ZSCAN32: variants seen among roughly 807,000 people sequenced by gnomAD.
The protein encoded by ZSCAN32 is zinc finger and SCAN domain-containing protein 32.
In ZSCAN32, 52 loss-of-function variants were observed where a neutral mutation model predicts 47.4. That is an observed-to-expected ratio of 1.10 (90% CI 0.88 to 1.38). The LOEUF (loss-of-function observed/expected upper bound fraction) is 1.38. Among genes scored for constraint, ZSCAN32 ranks in the 40% most tolerant of loss-of-function variants. ZSCAN32 has a pLI of 0.00. For missense variants in ZSCAN32, 959 were observed against 846.0 expected, an observed-to-expected ratio of 1.13 and a Z score of -1.66; for synonymous variants, 346 against 305.7, an observed-to-expected ratio of 1.13 and a Z score of -1.38.
rs746667631 is a variant in ZSCAN32, at chr16:3,383,111, T to C, written c.1835A>G (p.Lys612Arg). 1.2e-6 allele frequency: 2 copies of C among 1,614,108 alleles called. No individual in the cohort carries two copies. The highest frequency in any genetic ancestry group is 2.2e-5 in the South Asian group (2 of 91,080). ...EKPYQCIVCGKRFNNSSQFSA... is the reference protein window; with the variant it reads ...EKPYQCIVCGRRFNNSSQFSA... The stretch of plus-strand genomic sequence containing the variant: ...GAACTGGGAACTGTTGTTGAATCTC[T>C]TTCCACAGACAATGCACTGGTAAGG... The change falls in exon 7 of 7, where the codon AAG (lysine) becomes AGG (arginine). Residue 612 changes from lysine to arginine, a missense_variant. Transcript: ENST00000396852.
chr16:3,398,832 CACA>C (rs1235123187), intron 1 of ZSCAN32, among the ~76,000 whole-genome samples: 1 of 152,182 alleles, frequency 6.6e-6, no homozygotes, highest in Non-Finnish European at 1.5e-5. Flanking sequence ...TCCACACACA[CACA>C]ACGTGGATAA....
At chr16:3,393,242 T>TATATATATATAAATAA (rs2033016197) in intron 3 of ZSCAN32, among the ~76,000 whole-genome samples, 1 of 10,984 alleles carries the variant, frequency 9.1e-5, no homozygotes, top group African/African-American at 6.0e-4. Context: ...TTATATATTT[T>TATATATATATAAATAA]ATATATATAT....
intron 1 of ZSCAN32, among the ~76,000 whole-genome samples, chr16:3,400,264 C>CTT (rs1341370723): frequency 6.6e-6 from 1 of 152,032 alleles, no homozygotes; most frequent in Non-Finnish European, 1.5e-5. Context: ...GCTTTCTAGC[C>CTT]AAAAAGAAAC....
chr16:3,382,437 T>C lies in ZSCAN32; in HGVS notation c.*415A>G, dbSNP rs1481716222. On this transcript the variant is annotated 3_prime_UTR_variant, in exon 7 of 7. Coordinates refer to ENST00000396852, the MANE Select transcript of ZSCAN32 (RefSeq NM_001284527.2). ...ACGGTGGGTGCCTAGAGGTCAATTA[T>C]TGGTTTAGAAGAGATTCAGGCCCTT... is the stretch of plus-strand genomic sequence containing the variant. 1.9e-5 allele frequency: 3 copies of C among 156,258 alleles called. No individual in the cohort carries two copies. Among genetic ancestry groups the C allele is most frequent in the African/African-American group, 7.2e-5 (3 of 41,550 alleles). The allele number at this position is 156,258 out of a possible 1,614,324, so 9.7% of individuals were successfully genotyped here. A position where few individuals can be genotyped will look rare whatever the true frequency, so the allele number is the denominator to read the frequency against.
chr16:3,395,361 C>G (rs189853319), intron 2 of ZSCAN32, among the ~76,000 whole-genome samples: 2 of 152,348 alleles, frequency 1.3e-5, no homozygotes, highest in Admixed American at 6.5e-5. Context: ...CCCATAATCC[C>G]CACGTGTCAT....
chr16:3,391,543 G>A (rs1434678956), intron 3 of ZSCAN32, among the ~76,000 whole-genome samples: 2 of 151,998 alleles, frequency 1.3e-5, no homozygotes, highest in African/African-American at 4.8e-5. Context: ...GCCGGGCGTG[G>A]TGGCAGGCGC....
Position 3,382,711 on chromosome 16 carries a change from T to C in ZSCAN32, c.*141A>G. 7.2e-7 allele frequency: 1 copy of C among 1,380,128 alleles called. No individual in the cohort carries two copies. Among genetic ancestry groups the C allele is most frequent in the South Asian group, 1.7e-5 (1 of 57,530 alleles). 85.5% of individuals were successfully genotyped at this position (1,380,128 alleles called of 1,614,324 possible). On this transcript the variant is annotated 3_prime_UTR_variant, in exon 7 of 7. Coordinates refer to ENST00000396852, the MANE Select transcript of ZSCAN32 (RefSeq NM_001284527.2). ...GAGAGGTCAGCGTCCTTATGCTGACTCCTGGTCCTAGACATGGGTCTTAAG... is the reference window on the plus strand; with the variant it reads ...GAGAGGTCAGCGTCCTTATGCTGACCCCTGGTCCTAGACATGGGTCTTAAG...
At chr16:3,399,638 GTC>G (rs1284608685) in intron 1 of ZSCAN32, among the ~76,000 whole-genome samples, 1 of 152,074 alleles carries the variant, frequency 6.6e-6, no homozygotes, top group African/African-American at 2.4e-5. Flanking sequence ...TAGAGATGGA[GTC>G]TCACTCTGTT....
rs372402522 is a variant in ZSCAN32 at position 3,382,960 on chromosome 16, C to G, written c.1986G>C (p.Arg662Ser). 5.0e-6 allele frequency: 8 copies of G among 1,614,066 alleles called. No individual in the cohort carries two copies. Among genetic ancestry groups the G allele is most frequent in the Non-Finnish European group, 6.8e-6 (8 of 1,179,988 alleles). ...RKTHTGEKPY[R>S]CSHCERGFTK... ...TGAAGCCTCTCTCACAGTGAGAACACCTGTAAGGCTTTTCACCAGTGTGGG... is the reference window on the plus strand; with the variant it reads ...TGAAGCCTCTCTCACAGTGAGAACAGCTGTAAGGCTTTTCACCAGTGTGGG... The change falls in exon 7 of 7, where the codon AGG becomes AGC. Residue 662 changes from arginine (R) to serine (S), a missense_variant. By Grantham distance (110) the Arg-to-Ser change is moderately radical. Transcript: ENST00000396852.
chr16:3,397,496 C>T lies in ZSCAN32; in HGVS notation c.62G>A (p.Gly21Asp), dbSNP rs760946411. Reference sequence around the variant, plus strand: ...GTTACCCTGGAGGGCTGATTTCTGGCCCTGTGTGGGATCCTTGTTTGAGGA... The same window carrying T: ...GTTACCCTGGAGGGCTGATTTCTGGTCCTGTGTGGGATCCTTGTTTGAGGA... ...HPSSNKDPTQ[G>D]QKSALQGNSP... Residue 21 changes from glycine (G) to aspartate (D), a missense_variant, in exon 2 of 7, where the codon GGC becomes GAC. By Grantham distance (94) the Gly-to-Asp change is moderately conservative. Transcript: ENST00000396852. The T allele has an allele frequency of 4.8e-5, 74 of 1,550,380 alleles. No individual in the cohort carries two copies. The highest frequency in any genetic ancestry group is 6.2e-5 in the Non-Finnish European group (71 of 1,146,934).
chr16:3,386,226 C>G (rs1270546353), intron 5 of ZSCAN32, among the ~76,000 whole-genome samples: 3 of 152,110 alleles, frequency 2.0e-5, no homozygotes, highest in Admixed American at 6.6e-5. Flanking sequence ...AAATGCAAAT[C>G]AAAACTACAA....
chr16:3,384,426 A>G (rs377737784), intron 6 of ZSCAN32, 33 bp downstream of exon 6: 27 of 1,612,764 alleles, frequency 1.7e-5, no homozygotes, highest in Non-Finnish European at 2.2e-5. Flanking sequence ...GGACTTTGCC[A>G]TCCTTTGACC....
At chr16:3,392,784 T>TTACTGCA (rs2150894586) in intron 3 of ZSCAN32, among the ~76,000 whole-genome samples, 1 of 151,834 alleles carries the variant, frequency 6.6e-6, no homozygotes, top group South Asian at 2.1e-4. Context: ...CAAGATCGCA[T>TTACTGCA]TACTGCACTC....
At chr16:3,397,768 T>C (rs2033517257) in intron 1 of ZSCAN32, 24 bp from the exon 2 acceptor site, 1 of 547,846 alleles carries the variant, frequency 1.8e-6, no homozygotes, top group Admixed American at 3.6e-5. Flanking sequence ...AAAAAGACAA[T>C]ATAAACCTAT....
intron 1 of ZSCAN32, among the ~76,000 whole-genome samples, chr16:3,400,552 A>G (rs2033795453): frequency 6.6e-6 from 1 of 152,170 alleles, no homozygotes; most frequent in East Asian, 1.9e-4. Context: ...AAACACTCGG[A>G]AAAAAATGTA....
At chr16:3,387,266 A>G (rs2032125150) in intron 5 of ZSCAN32, among the ~76,000 whole-genome samples, 1 of 152,166 alleles carries the variant, frequency 6.6e-6, no homozygotes. Context: ...GGTGATACTC[A>G]AGGAAAGCAA....
chr16:3,383,574 C>A lies in ZSCAN32; in HGVS notation c.1372G>T (p.Glu458Ter). Reference sequence around the variant, plus strand: ...CTACATTGCCTTCTTGATGTTGGCTCACTCTCCAAGCCTTTTTGTAGCTCA... The same window carrying A: ...CTACATTGCCTTCTTGATGTTGGCTAACTCTCCAAGCCTTTTTGTAGCTCA... ...HSELQKGLES[E>*]PTSRRQCRNS... The change falls in exon 7 of 7, where the codon GAG becomes TAG. Residue 458 changes from glutamate (E) to a stop codon, truncating the protein, a stop_gained. Transcript: ENST00000396852. LOFTEE classifies it low-confidence loss of function (END_TRUNC). 1 of 1,614,092 alleles carries A rather than the reference C, an allele frequency of 6.2e-7. No individual in the cohort carries two copies.
rs764465833 is a variant in ZSCAN32 at position 3,384,773 on chromosome 16, C to T, written c.920G>A (p.Arg307His). 3.1e-5 allele frequency: 50 copies of T among 1,614,034 alleles called. No individual in the cohort carries two copies. The highest frequency in any genetic ancestry group is 9.9e-5 in the South Asian group (9 of 91,086). ...QGFLRTPEQCRTKFKSLQLSY... is the reference protein window; with the variant it reads ...QGFLRTPEQCHTKFKSLQLSY... ...CAACTGTAGGCTTTTGAACTTGGTG[C>T]GACACTGTTCTGGGGTCCGCAGAAA... The change falls in exon 6 of 7, where the codon CGC (arginine) becomes CAC (histidine). Residue 307 changes from arginine (R) to histidine (H), a missense_variant. Arg to His is a conservative substitution (Grantham distance 29). Transcript: ENST00000396852.
In ZSCAN32 at chr16:3,397,462, G is replaced by T; in HGVS notation, c.96C>A (p.Asp32Glu). Residue 32 changes from aspartate (D) to glutamate (E), a missense_variant, in exon 2 of 7, where the codon GAC becomes GAA. Coordinates refer to ENST00000396852, the MANE Select transcript of ZSCAN32 (RefSeq NM_001284527.2). ...QKSALQGNSP[D>E]SEASRQRFRQ... The stretch of plus-strand genomic sequence containing the variant: ...TGAAGCGCTGACGGGAGGCCTCGGA[G>T]TCAGGGCTGTTACCCTGGAGGGCTG... The T allele has an allele frequency of 6.4e-7, 1 of 1,550,772 alleles. No individual in the cohort carries two copies. Among genetic ancestry groups the T allele is most frequent in the Non-Finnish European group, 8.7e-7 (1 of 1,147,078 alleles).
Sources: gnomAD v4.1 joint callset for allele counts (sites outside exome capture counted in the v4.1 genomes callset) on GRCh38, gnomAD v4.1.1 for gene constraint, MANE v1.5 for transcripts, NCBI Gene and HGNC (gene_info 2026-07-23, HGNC 2026-07-21) for gene names.